The following VPS41 variants were observed in gnomAD, a reference collection of about 807,000 sequenced individuals.
VPS41 encodes the protein VPS41 subunit of HOPS complex.
VPS41 carries 85 observed loss-of-function variants against 130.9 expected under a neutral mutation model. That is an observed-to-expected ratio of 0.65 (90% confidence interval 0.55 to 0.78). The LOEUF (loss-of-function observed/expected upper bound fraction) is 0.78. Among genes scored for constraint, VPS41 ranks in the 30% least tolerant of loss-of-function variants. The probability of loss-of-function intolerance (pLI) is 0.00; values close to 1 mark genes in which losing one functional copy is unlikely to be tolerated. For missense variants in VPS41, 874 were observed against 1,018.7 expected (o/e 0.86, Z 1.93); for synonymous variants, 335 against 332.9 (o/e 1.01, Z -0.07).
rs1784268186 is a variant in VPS41 at position 38,776,779 on chromosome 7, G to T, written c.785-3C>A. On this transcript the variant is annotated splice_region_variant and splice_polypyrimidine_tract_variant and intron_variant, in intron 10 of 28. Transcript: ENST00000310301. ...GAATTCAGTTTCAAACTGAGACACT[G>T]CAAACAAAAGGGATACAGGAGTCAT... 6 of 1,562,904 alleles carry T rather than the reference G, an allele frequency of 3.8e-6. No individual in the cohort carries two copies. The South Asian group carries it at 5.6e-5, about 15-fold the overall frequency.
intron 1 of VPS41, among the ~76,000 whole-genome samples, chr7:38,908,773 T>C (rs186977445): frequency 3.3e-5 from 5 of 152,338 alleles, no homozygotes; most frequent in Admixed American, 1.3e-4. Context: ...CTAGTTCTTA[T>C]TGTCCTACTT....
At position 38,817,632 on chromosome 7, in the gene VPS41, T is replaced by C. The variant is rs569546568; in HGVS notation, c.450+185A>G. ...GACTCCGTCTCAACAAAAAAAGCAA[T>C]GTAGTGAGAAACACTGAAGCCACAA... is the stretch of plus-strand genomic sequence containing the variant. On this transcript the variant is annotated intron_variant, in intron 7 of 28. Coordinates refer to ENST00000310301, the MANE Select transcript of VPS41 (RefSeq NM_014396.4). 2.6e-5 allele frequency among the ~76,000 whole-genome samples: 4 copies of C among 152,262 alleles called. No individual in the cohort carries two copies. The South Asian group carries it at 6.2e-4, about 24-fold the overall frequency.
At chr7:38,776,299 G>C (rs1448332333) in intron 11 of VPS41, among the ~76,000 whole-genome samples, 1 of 152,180 alleles carries the variant, frequency 6.6e-6, no homozygotes, top group East Asian at 1.9e-4. Context: ...TGCCCTTTCT[G>C]TAATTCCCTC....
rs115508494 is a variant in VPS41 at position 38,845,826 on chromosome 7, G to A, written c.247-15498C>T. Reference sequence around the variant, plus strand: ...CCCTGTGAAACAATCCACTTTACTGGAATACCATTGTTAAAGAGAATAAAC... The same window carrying A: ...CCCTGTGAAACAATCCACTTTACTGAAATACCATTGTTAAAGAGAATAAAC... On this transcript the variant is annotated intron_variant, in intron 4 of 28. Coordinates refer to ENST00000310301, the MANE Select transcript of VPS41 (RefSeq NM_014396.4). Among the ~76,000 whole-genome samples the A allele has an allele frequency of 3.3e-3, 500 of 152,216 alleles. 2 individuals carry two copies. The highest frequency in any genetic ancestry group is 0.011 in the African/African-American group (475 of 41,528).
intron 7 of VPS41, among the ~76,000 whole-genome samples, chr7:38,806,322 G>A (rs980731154): frequency 2.6e-5 from 4 of 152,128 alleles, no homozygotes; most frequent in Admixed American, 6.5e-5. Flanking sequence ...AAGATTTCAA[G>A]GTTCACCACA....
At position 38,743,471 on chromosome 7, in the gene VPS41, C is replaced by T; in HGVS notation, c.2053G>A (p.Glu685Lys). 7 of 1,613,976 alleles carry T rather than the reference C, an allele frequency of 4.3e-6. No homozygotes were observed. The highest frequency in any genetic ancestry group is 1.1e-5 in the South Asian group (1 of 91,070). The change falls in exon 24 of 29, where the codon GAA (glutamate) becomes AAA (lysine). Residue 685 changes from glutamate (E) to lysine (K), a missense_variant. By Grantham distance (56) the Glu-to-Lys change is moderately conservative. Transcript: ENST00000310301. ...CCATCATCTTGCTCCTTGGCAAATT[C>T]GATTGCTTTATCAACATCATGTAAT... is the stretch of plus-strand genomic sequence containing the variant. ...EELHDVDKAI[E>K]FAKEQDDGEL...
At chr7:38,861,793 T>C (rs1482259217) in intron 4 of VPS41, among the ~76,000 whole-genome samples, 6 of 152,180 alleles carry the variant, frequency 3.9e-5, no homozygotes, top group African/African-American at 1.4e-4. Flanking sequence ...ACCTTTAAGG[T>C]ACACCTTCAC....
In VPS41 at chr7:38,832,007, C is replaced by CT. The variant is rs201671815; in HGVS notation, c.247-1680dup. Among the ~76,000 whole-genome samples the CT allele has an allele frequency of 9.4e-4, 143 of 151,906 alleles. 3 individuals carry two copies. The East Asian group carries it at 0.024, about 26-fold the overall frequency. The stretch of plus-strand genomic sequence containing the variant: ...TTAGCAATAGAAGGGTTTTTTTTCA[C>CT]TTTTTTTTCTGCCAACAATCAATAT... On this transcript the variant is annotated intron_variant, in intron 4 of 28. Transcript: ENST00000310301.
At chr7:38,880,739 G>A (rs1253271765) in intron 2 of VPS41, among the ~76,000 whole-genome samples, 1 of 152,218 alleles carries the variant, frequency 6.6e-6, no homozygotes, top group East Asian at 1.9e-4. Context: ...GCTCATGGAT[G>A]AAAGAAACCT....
rs1020288823 is a variant in VPS41 at position 38,772,645 on chromosome 7, T to C, written c.1013-8A>G. The C allele has an allele frequency of 6.3e-7, 1 of 1,586,740 alleles. No individual in the cohort carries two copies. On this transcript the variant is annotated splice_region_variant and splice_polypyrimidine_tract_variant and intron_variant, in intron 12 of 28. Coordinates refer to ENST00000310301, the MANE Select transcript of VPS41 (RefSeq NM_014396.4). ...ATTCCCCTTCAGAGTATTCTGTAGGTGAGAAAAGAGAGGAACGACTTGGTG... is the reference window on the plus strand; with the variant it reads ...ATTCCCCTTCAGAGTATTCTGTAGGCGAGAAAAGAGAGGAACGACTTGGTG...
chr7:38,898,578 A>G, intron 1 of VPS41, among the ~76,000 whole-genome samples: 1 of 152,262 alleles, frequency 6.6e-6, no homozygotes, highest in East Asian at 1.9e-4. Flanking sequence ...TTGCTAAAAT[A>G]GCTTTTTAAA....
At chr7:38,878,628 A>T (rs1448662304) in intron 2 of VPS41, among the ~76,000 whole-genome samples, 1 of 152,240 alleles carries the variant, frequency 6.6e-6, no homozygotes, top group African/African-American at 2.4e-5. Flanking sequence ...ACAAAGACTG[A>T]GTATTAGGAA....
chr7:38,821,099 T>TA, intron 6 of VPS41, 104 bp downstream of exon 6: 2 of 830,866 alleles, frequency 2.4e-6, no homozygotes, highest in Non-Finnish European at 4.0e-6. Context: ...AACAGACACT[T>TA]ACTGACAAAA....
Position 38,767,532 on chromosome 7 carries a change from A to T in VPS41, c.1247+5T>A, listed in dbSNP as rs777372264. 9.4e-6 allele frequency: 15 copies of T among 1,589,224 alleles called. No homozygotes were observed. In the East Asian group the frequency reaches 3.4e-4, roughly 36 times the overall value. The stretch of plus-strand genomic sequence containing the variant: ...AACAAATAATTGTGAAAATGTCATC[A>T]TTACCGTGCTGCTATGTCATAGTCT... On this transcript the variant is annotated splice_donor_5th_base_variant and intron_variant, in intron 15 of 28. Transcript: ENST00000310301.
At chr7:38,859,301 T>C (rs1213403924) in intron 4 of VPS41, among the ~76,000 whole-genome samples, 2 of 151,934 alleles carry the variant, frequency 1.3e-5, no homozygotes, top group Non-Finnish European at 2.9e-5. Context: ...AGAAAGAAAA[T>C]GTTTAAATAA....
At chr7:38,733,051 C>T (rs1795699107) in intron 25 of VPS41, among the ~76,000 whole-genome samples, 1 of 152,218 alleles carries the variant, frequency 6.6e-6, no homozygotes, top group Non-Finnish European at 1.5e-5. Context: ...TTATCTCAAA[C>T]TGCTGAGCTC....
At chr7:38,888,153 T>C (rs1176682384) in intron 2 of VPS41, among the ~76,000 whole-genome samples, 3 of 152,206 alleles carry the variant, frequency 2.0e-5, no homozygotes, top group Non-Finnish European at 4.4e-5. Flanking sequence ...AGCATCATCA[T>C]GACAGGATCA....
chr7:38,906,156 A>G (rs1787256528), intron 1 of VPS41, among the ~76,000 whole-genome samples: 1 of 152,172 alleles, frequency 6.6e-6, no homozygotes, highest in Admixed American at 6.5e-5. Flanking sequence ...AAGCCCTACT[A>G]CCGTCATCAG....
At chr7:38,825,163 A>G (rs192355181) in intron 5 of VPS41, among the ~76,000 whole-genome samples, 19 of 152,382 alleles carry the variant, frequency 1.2e-4, no homozygotes, top group Non-Finnish European at 2.9e-5. Flanking sequence ...GGGCTGGAGG[A>G]GTAACTGCTG....
Sources: allele counts gnomAD v4.1 joint callset (sites outside exome capture counted in the v4.1 genomes callset), GRCh38; gene constraint gnomAD v4.1.1; transcripts MANE v1.5; gene names NCBI Gene and HGNC (gene_info 2026-07-23, HGNC 2026-07-21).